AGO3: variants seen among roughly 807,000 people sequenced by gnomAD.
The protein encoded by AGO3 is protein argonaute-3.
A neutral mutation model predicts 105.5 loss-of-function variants in AGO3; 16 were observed. The ratio of observed to expected loss-of-function variants is 0.15; its 90% CI spans 0.10 to 0.23. The LOEUF is 0.23. Ranked by LOEUF, AGO3 falls within the 10% of genes least tolerant of loss-of-function variation. AGO3 has a pLI of 1.00. For missense variants in AGO3, 534 were observed against 1,088.0 expected (o/e 0.49, Z 7.16); for synonymous variants, 340 against 367.3 (o/e 0.93, Z 0.85).
rs1042000547 is a variant in AGO3 at position 36,003,027 on chromosome 1, C to T, written c.659-1314C>T. Reference sequence around the variant, plus strand: ...GGGAGGTTGCAGTGAGCCGAGATCGCGCCATTGCACTCCAGCCTGGACGAC... The same window carrying T: ...GGGAGGTTGCAGTGAGCCGAGATCGTGCCATTGCACTCCAGCCTGGACGAC... On this transcript the variant is annotated intron_variant, in intron 5 of 18. Coordinates refer to ENST00000373191, the MANE Select transcript of AGO3 (RefSeq NM_024852.4). Among the ~76,000 whole-genome samples the T allele has an allele frequency of 5.9e-5, 9 of 151,874 alleles. No homozygotes were observed. In the South Asian group the frequency reaches 6.2e-4, roughly 11 times the overall value.
chr1:35,983,713 T>C (rs949242029), intron 5 of AGO3, among the ~76,000 whole-genome samples: 3 of 152,284 alleles, frequency 2.0e-5, no homozygotes, highest in Admixed American at 6.5e-5. Flanking sequence ...CCCAAGAAGG[T>C]CATACTCTCC....
rs1553173442 is a variant in AGO3, at chr1:36,057,338, T to TCA, written c.*1593_*1594insCA. On this transcript the variant is annotated 3_prime_UTR_variant, in exon 19 of 19. Transcript: ENST00000373191. ...CCTTAATGTGATTTTCATATATTTT[T>TCA]TATATATATATATGTATGTGTGTGT... 6.6e-6 allele frequency: 1 copy of TCA among 151,422 alleles called. No homozygotes were observed. Among genetic ancestry groups the TCA allele is most frequent in the South Asian group, 2.1e-4 (1 of 4,810 alleles). 9.4% of individuals were successfully genotyped at this position (151,422 alleles called of 1,614,324 possible).
rs548836101 is a variant in AGO3, at chr1:35,965,963, C to T, written c.192-992C>T. 2.6e-5 allele frequency among the ~76,000 whole-genome samples: 4 copies of T among 151,754 alleles called. No homozygotes were observed. In the South Asian group the frequency reaches 8.3e-4, roughly 32 times the overall value. On this transcript the variant is annotated intron_variant, in intron 2 of 18. Coordinates refer to ENST00000373191, the MANE Select transcript of AGO3 (RefSeq NM_024852.4). ...GCCTCAGCCTCCCAAGTAGCTGAGA[C>T]TACAGGCATGCGCCACTGTACCCGG...
chr1:35,977,382 G>A (rs903887195), intron 5 of AGO3, among the ~76,000 whole-genome samples: 3 of 145,340 alleles, frequency 2.1e-5, no homozygotes, highest in South Asian at 2.2e-4. Flanking sequence ...AGTTTCTATC[G>A]TTATTATGAT....
chr1:35,950,929 A>G lies in AGO3; in HGVS notation c.191+5066A>G, dbSNP rs535238597. Reference sequence around the variant, plus strand: ...AATAAAAATTTGAAGGAATCTTAAAATAGTAGTAGATTGTGGTTGCATTTT... The same window carrying G: ...AATAAAAATTTGAAGGAATCTTAAAGTAGTAGTAGATTGTGGTTGCATTTT... On this transcript the variant is annotated intron_variant, in intron 2 of 18. Coordinates refer to ENST00000373191, the MANE Select transcript of AGO3 (RefSeq NM_024852.4). 5.3e-5 allele frequency among the ~76,000 whole-genome samples: 8 copies of G among 152,316 alleles called. No individual in the cohort carries two copies. In the South Asian group the frequency reaches 1.5e-3, roughly 28 times the overall value.
chr1:36,059,676 G>C lies in AGO3; in HGVS notation c.*3931G>C, dbSNP rs1411784066. 2 of 151,916 alleles carry C rather than the reference G, an allele frequency of 1.3e-5. No homozygotes were observed. The highest frequency in any genetic ancestry group is 2.4e-5 in the African/African-American group (1 of 41,342). The allele number at this position is 151,916 out of a possible 1,614,324, so 9.4% of individuals were successfully genotyped here. Reference sequence around the variant, plus strand: ...CACAGTATCAGGTTACTGGCATGGAGGACCATACACTTACAATATTGTAGC... The same window carrying C: ...CACAGTATCAGGTTACTGGCATGGACGACCATACACTTACAATATTGTAGC... On this transcript the variant is annotated 3_prime_UTR_variant, in exon 19 of 19. Coordinates refer to ENST00000373191, the MANE Select transcript of AGO3 (RefSeq NM_024852.4).
intron 2 of AGO3, among the ~76,000 whole-genome samples, chr1:35,949,238 C>G (rs544859865): frequency 1.3e-5 from 2 of 152,182 alleles, no homozygotes; most frequent in Non-Finnish European, 2.9e-5. Flanking sequence ...CTACCGCACC[C>G]GGCCCAAGTT....
intron 5 of AGO3, among the ~76,000 whole-genome samples, chr1:35,975,615 TTG>T (rs1473968761): frequency 3.3e-5 from 5 of 152,282 alleles, no homozygotes; most frequent in South Asian, 2.1e-4. Flanking sequence ...TACATATGTA[TTG>T]GTCAGTCATT....
At chr1:36,043,190 T>C in intron 16 of AGO3, 1 of 378,066 alleles carries the variant, frequency 2.6e-6, no homozygotes, top group South Asian at 7.9e-5. Context: ...CTTCCACCCA[T>C]AGTGGGGTCA....
rs1345965650 is a variant in AGO3 at position 36,044,155 on chromosome 1, G to C, written c.2274+607G>C. On this transcript the variant is annotated intron_variant, in intron 17 of 18. Coordinates refer to ENST00000373191, the MANE Select transcript of AGO3 (RefSeq NM_024852.4). The stretch of plus-strand genomic sequence containing the variant: ...AGTTCAGGAGTTTGAGACCAGCCTG[G>C]GCAACATAGAGAAACCCCGTCTCTA... Among the ~76,000 whole-genome samples the C allele has an allele frequency of 2.0e-5, 3 of 152,192 alleles. No individual in the cohort carries two copies. In the East Asian group the frequency reaches 5.8e-4, roughly 29 times the overall value.
At position 36,071,471 on chromosome 1, in the gene AGO3, A is replaced by G. The variant is rs1186247142; in HGVS notation, c.*15726A>G. The stretch of plus-strand genomic sequence containing the variant: ...GTTTTGAAACTGAATTATTACATAA[A>G]ATCAGAGTAACCTCTTTCTCCATCC... On this transcript the variant is annotated 3_prime_UTR_variant, in exon 19 of 19. Coordinates refer to ENST00000373191, the MANE Select transcript of AGO3 (RefSeq NM_024852.4). 6.6e-6 allele frequency: 1 copy of G among 152,184 alleles called. No homozygotes were observed. Among genetic ancestry groups the G allele is most frequent in the Non-Finnish European group, 1.5e-5 (1 of 68,032 alleles). The allele number at this position is 152,184 out of a possible 1,614,324, so 9.4% of individuals were successfully genotyped here. A position where few individuals can be genotyped will look rare whatever the true frequency, so the allele number is the denominator to read the frequency against.
At chr1:35,967,404 T>G (rs1351554842) in intron 3 of AGO3, among the ~76,000 whole-genome samples, 2 of 102,654 alleles carry the variant, frequency 1.9e-5, no homozygotes, top group East Asian at 4.1e-3. Flanking sequence ...TTAATATTTA[T>G]TTTATTTTAT....
At chr1:35,940,118 G>GA (rs1646227004) in intron 1 of AGO3, among the ~76,000 whole-genome samples, 1 of 151,792 alleles carries the variant, frequency 6.6e-6, no homozygotes, top group East Asian at 1.9e-4. Flanking sequence ...CCAGGCTGGA[G>GA]TTCAGTGGCA....
rs150790137 is a variant in AGO3, at chr1:36,008,223, C to T, written c.794-467C>T. Reference sequence around the variant, plus strand: ...TCCTGCTTTATAAATCTTTAAAGGACTTCTTTCTTGAGCTTTACAAAATTC... The same window carrying T: ...TCCTGCTTTATAAATCTTTAAAGGATTTCTTTCTTGAGCTTTACAAAATTC... On this transcript the variant is annotated intron_variant, in intron 6 of 18. Transcript: ENST00000373191. The surrounding 1 kb of genome is among the most constrained non-coding windows in gnomAD (Gnocchi z 5.1). Among the ~76,000 whole-genome samples, 1 of 152,022 alleles carries T rather than the reference C, an allele frequency of 6.6e-6. No homozygotes were observed. The highest frequency in any genetic ancestry group is 6.6e-5 in the Admixed American group (1 of 15,246).
At chr1:36,046,938 ACAACT>A (rs1642497915) in intron 17 of AGO3, among the ~76,000 whole-genome samples, 3 of 152,058 alleles carry the variant, frequency 2.0e-5, no homozygotes, top group African/African-American at 7.2e-5. Flanking sequence ...ATACCAATAG[ACAACT>A]CAACAAAATC....
intron 11 of AGO3, among the ~76,000 whole-genome samples, chr1:36,019,879 G>C (rs274731): frequency 0.051 from 7,772 of 152,006 alleles, 658 homozygotes; most frequent in African/African-American, 0.18. Flanking sequence ...AGCAATTCTT[G>C]TGCCTCAGCC....
Position 36,058,823 on chromosome 1 carries a change from A to G in AGO3, c.*3078A>G, listed in dbSNP as rs148272904. ...CCCATCTCCTCCAGAAAAATTTCCT[A>G]TAAAGATGGATTTTTTTACACTGAA... On this transcript the variant is annotated 3_prime_UTR_variant, in exon 19 of 19. Transcript: ENST00000373191. 3.9e-5 allele frequency: 6 copies of G among 152,308 alleles called. No homozygotes were observed. Among genetic ancestry groups the G allele is most frequent in the South Asian group, 2.1e-4 (1 of 4,832 alleles). 9.4% of individuals were successfully genotyped at this position (152,308 alleles called of 1,614,324 possible).
In AGO3 at chr1:36,027,364, C is replaced by T; in HGVS notation, c.1591+66C>T. The T allele has an allele frequency of 7.3e-7, 1 of 1,360,980 alleles. No individual in the cohort carries two copies. The highest frequency in any genetic ancestry group is 9.9e-7 in the Non-Finnish European group (1 of 1,013,670). The allele number at this position is 1,360,980 out of a possible 1,614,324, so 84.3% of individuals were successfully genotyped here. On this transcript the variant is annotated intron_variant, in intron 12 of 18. Coordinates refer to ENST00000373191, the MANE Select transcript of AGO3 (RefSeq NM_024852.4). The surrounding 1 kb of genome is among the most constrained non-coding windows in gnomAD (Gnocchi z 4.0). ...ATGTCCTTTTAGGATTATACTGAAA[C>T]ATATCCTAAAACTTTCAAATATTAA...
chr1:35,942,554 T>C (rs1015523315), intron 1 of AGO3, among the ~76,000 whole-genome samples: 6 of 152,180 alleles, frequency 3.9e-5, no homozygotes, highest in African/African-American at 1.4e-4. Flanking sequence ...GTATTTTAAA[T>C]TGTGGATTTA....
Sources: allele counts gnomAD v4.1 joint callset (sites outside exome capture counted in the v4.1 genomes callset), GRCh38; gene constraint gnomAD v4.1.1; non-coding constraint Gnocchi (gnomAD v3.1); transcripts MANE v1.5; gene names NCBI Gene and HGNC (gene_info 2026-07-23, HGNC 2026-07-21).